EYA4: variants seen among roughly 807,000 people sequenced by gnomAD.
The protein encoded by EYA4 is EYA transcriptional coactivator and phosphatase 4.
In EYA4, 31 loss-of-function variants were observed where a neutral mutation model predicts 87.9. The ratio of observed to expected loss-of-function variants is 0.35; its 90% CI spans 0.27 to 0.48. EYA4 has a LOEUF of 0.48. EYA4 is among the 20% of genes least tolerant of loss of function. EYA4 has a pLI of 0.99. For missense variants in EYA4, 678 were observed against 761.4 expected (o/e 0.89, Z 1.29); for synonymous variants, 263 against 270.6 (o/e 0.97, Z 0.28).
intron 13 of EYA4, among the ~76,000 whole-genome samples, chr6:133,497,309 C>G (rs1180709776): frequency 6.6e-6 from 1 of 152,070 alleles, no homozygotes; most frequent in Non-Finnish European, 1.5e-5. Flanking sequence ...TAAATTGTCC[C>G]AACTAACTTT....
At chr6:133,478,563 T>TA (rs933811051) in intron 11 of EYA4, among the ~76,000 whole-genome samples, 9 of 152,024 alleles carry the variant, frequency 5.9e-5, no homozygotes, top group East Asian at 3.9e-4. Context: ...TATATTTCAA[T>TA]AAAAAAAATT....
intron 13 of EYA4, among the ~76,000 whole-genome samples, chr6:133,487,427 C>T (rs1442816184): frequency 2.0e-5 from 3 of 152,182 alleles, no homozygotes; most frequent in Non-Finnish European, 4.4e-5. Context: ...TGCTACCCCT[C>T]CCTCAGGCCC....
intron 1 of EYA4, among the ~76,000 whole-genome samples, chr6:133,265,712 A>T (rs1018048727): frequency 6.6e-6 from 1 of 152,206 alleles, no homozygotes; most frequent in Non-Finnish European, 1.5e-5. Context: ...CCAAGTAACA[A>T]TTAATCTAAA....
chr6:133,489,965 AT>A (rs1318738906), intron 13 of EYA4, among the ~76,000 whole-genome samples: 7 of 126,276 alleles, frequency 5.5e-5, no homozygotes, highest in African/African-American at 2.8e-4. Context: ...TTTTCAAGAC[AT>A]AGTAAAATAG....
At chr6:133,394,702 G>A (rs984470555) in intron 3 of EYA4, among the ~76,000 whole-genome samples, 1 of 152,172 alleles carries the variant, frequency 6.6e-6, no homozygotes, top group Non-Finnish European at 1.5e-5. Flanking sequence ...GTTTAACAAA[G>A]TACCTGCCAC....
At chr6:133,352,837 G>T (rs1783739279) in intron 2 of EYA4, among the ~76,000 whole-genome samples, 1 of 152,086 alleles carries the variant, frequency 6.6e-6, no homozygotes. Context: ...ATGAAAGTTG[G>T]AAAATCAGTC....
intron 1 of EYA4, among the ~76,000 whole-genome samples, chr6:133,271,721 T>C (rs535746241): frequency 6.6e-5 from 10 of 152,288 alleles, no homozygotes; most frequent in African/African-American, 2.4e-4. Context: ...GCTGAGCCCA[T>C]GTGTAACCTC....
Position 133,527,989 on chromosome 6 carries a change from C to A in EYA4, c.1840-736C>A, listed in dbSNP as rs570126717. Among the ~76,000 whole-genome samples the A allele has an allele frequency of 9.9e-5, 15 of 152,110 alleles. 1 individual carries two copies. The South Asian group carries it at 2.7e-3, about 27-fold the overall frequency. ...ATGAAATTTTAATGTCACATATGTA[C>A]TGTATACTATTATAGTATATCTTTT... On this transcript the variant is annotated intron_variant, in intron 19 of 19. Coordinates refer to ENST00000355286, the MANE Select transcript of EYA4 (RefSeq NM_004100.5).
intron 3 of EYA4, among the ~76,000 whole-genome samples, chr6:133,390,018 T>C (rs1399453538): frequency 6.6e-6 from 1 of 152,154 alleles, no homozygotes; most frequent in Non-Finnish European, 1.5e-5. Flanking sequence ...AATGACACTT[T>C]CCATATGGTG....
intron 2 of EYA4, among the ~76,000 whole-genome samples, chr6:133,363,963 T>G (rs536823475): frequency 2.0e-5 from 3 of 152,326 alleles, no homozygotes; most frequent in Admixed American, 6.5e-5. Context: ...CCCACTCTGC[T>G]GCCTGATTCA....
At chr6:133,525,950 T>C in intron 19 of EYA4, 1 of 984,296 alleles carries the variant, frequency 1.0e-6, no homozygotes, top group Non-Finnish European at 1.2e-6. Flanking sequence ...GGTGAGCCAG[T>C]GGTACTTGAT....
chr6:133,474,785 A>C (rs1795580659), intron 11 of EYA4, among the ~76,000 whole-genome samples: 1 of 152,160 alleles, frequency 6.6e-6, no homozygotes, highest in African/African-American at 2.4e-5. Context: ...TGATGTATTT[A>C]GTTCAAGGGC....
chr6:133,467,752 G>C (rs1794975270), intron 10 of EYA4, among the ~76,000 whole-genome samples: 1 of 151,656 alleles, frequency 6.6e-6, no homozygotes, highest in African/African-American at 2.4e-5. Context: ...CCAAGGATTT[G>C]TCATCACTGA....
chr6:133,313,087 A>T (rs1024963412), intron 2 of EYA4, among the ~76,000 whole-genome samples: 1 of 152,168 alleles, frequency 6.6e-6, no homozygotes, highest in African/African-American at 2.4e-5. Flanking sequence ...CCCCAAACTC[A>T]TGTCGATAAC....
chr6:133,448,473 G>C (rs1793082237), intron 5 of EYA4, among the ~76,000 whole-genome samples: 1 of 151,962 alleles, frequency 6.6e-6, no homozygotes, highest in Admixed American at 6.6e-5. Context: ...TTTATTACAT[G>C]ATTAATTTTG....
chr6:133,405,885 G>C (rs760447017), intron 3 of EYA4, among the ~76,000 whole-genome samples: 10 of 152,092 alleles, frequency 6.6e-5, no homozygotes, highest in Non-Finnish European at 1.2e-4. Flanking sequence ...TCATGCAGCT[G>C]TCTGGGAGAA....
intron 3 of EYA4, among the ~76,000 whole-genome samples, chr6:133,426,967 C>T (rs1208696676): frequency 1.3e-5 from 2 of 152,124 alleles, no homozygotes; most frequent in East Asian, 1.9e-4. Flanking sequence ...CTCTATATAT[C>T]GGAATCTATA....
chr6:133,340,629 T>C (rs1782710076), intron 2 of EYA4, among the ~76,000 whole-genome samples: 1 of 152,108 alleles, frequency 6.6e-6, no homozygotes, highest in Admixed American at 6.5e-5. Context: ...AAGGCAGAAC[T>C]GTGCTTGAGA....
chr6:133,394,292 T>A lies in EYA4; in HGVS notation c.83+11851T>A, dbSNP rs905333761. ...TGTATATATAAGCTTGTGTTTTTTT[T>A]TTTTTTTTTTTTTTTTTTTTTTTTT... On this transcript the variant is annotated intron_variant, in intron 3 of 19. Coordinates refer to ENST00000355286, the MANE Select transcript of EYA4 (RefSeq NM_004100.5). Among the ~76,000 whole-genome samples, 148 of 28,114 alleles carry A rather than the reference T, an allele frequency of 5.3e-3. 8 individuals are homozygous for A. Among genetic ancestry groups the A allele is most frequent in the African/African-American group, 7.1e-3 (135 of 19,082 alleles). 18.4% of individuals were successfully genotyped at this position (28,114 alleles called of 152,430 possible). A position where few individuals can be genotyped will look rare whatever the true frequency, so the allele number is the denominator to read the frequency against.
Sources: gnomAD v4.1 joint callset for allele counts (sites outside exome capture counted in the v4.1 genomes callset) on GRCh38, gnomAD v4.1.1 for gene constraint, MANE v1.5 for transcripts, NCBI Gene and HGNC (gene_info 2026-07-23, HGNC 2026-07-21) for gene names.